OSBPL10: variants seen among roughly 807,000 people sequenced by gnomAD.
OSBPL10 encodes oxysterol binding protein like 10, also known as oxysterol-binding protein-related protein 10.
OSBPL10 carries 49 observed loss-of-function variants against 81.7 expected under a neutral mutation model. The observed-to-expected ratio is 0.60, with a 90% CI of 0.48 to 0.76. The LOEUF (loss-of-function observed/expected upper bound fraction) is 0.76, where lower values mean the gene tolerates loss of function less well. OSBPL10 is among the 30% of genes least tolerant of loss of function. OSBPL10 has a pLI of 0.00. For missense variants in OSBPL10, 923 were observed against 987.8 expected (o/e 0.93, Z 0.88); for synonymous variants, 419 against 383.6 (o/e 1.09, Z -1.08).
intron 6 of OSBPL10, chr3:31,704,021 T>A (rs929714238): frequency 1.3e-5 from 2 of 152,140 alleles, no homozygotes; most frequent in African/African-American, 4.8e-5. Flanking sequence ...ACTGGGAAGT[T>A]AGGGGTAGAA....
intron 2 of OSBPL10, among the ~76,000 whole-genome samples, chr3:32,041,847 C>T (rs1252086401): frequency 2.6e-5 from 4 of 152,080 alleles, no homozygotes; most frequent in African/African-American, 7.2e-5. Context: ...TTAGTAGAGA[C>T]GGGTGTTTCA....
At chr3:31,923,949 T>C (rs1696991119) in intron 1 of OSBPL10, among the ~76,000 whole-genome samples, 1 of 152,192 alleles carries the variant, frequency 6.6e-6, no homozygotes, top group Non-Finnish European at 1.5e-5. Flanking sequence ...CCATGTGTGG[T>C]GGTTCAAGCC....
At position 31,901,042 on chromosome 3, in the gene OSBPL10, A is replaced by G. The variant is rs575622768; in HGVS notation, c.282-21212T>C. Among the ~76,000 whole-genome samples, 10 of 152,360 alleles carry G rather than the reference A, an allele frequency of 6.6e-5. No homozygotes were observed. The East Asian group carries it at 1.3e-3, about 21-fold the overall frequency. On this transcript the variant is annotated intron_variant, in intron 1 of 11. Transcript: ENST00000396556. ...GTAAATCTAAAAATATTTCAAAACA[A>G]GACATTAAACGAAAATAGATGTTGA...
intron 3 of OSBPL10, among the ~76,000 whole-genome samples, chr3:31,859,395 A>G (rs542446642): frequency 3.9e-5 from 6 of 152,226 alleles, no homozygotes; most frequent in Admixed American, 2.0e-4. Context: ...CTCACCCTAC[A>G]TATCTCTTCA....
Position 32,063,195 on chromosome 3 carries a change from A to C in OSBPL10, n.185+14201T>G, listed in dbSNP as rs1387521448. On this transcript the variant is annotated intron_variant and non_coding_transcript_variant, in intron 1 of 3. Transcript: ENST00000479173. ...TTCAAGAGTAGAATAACACAATGTT[A>C]CATTCCCCCTGGAGGAGGAATAATA... 4.3e-5 allele frequency among the ~76,000 whole-genome samples: 4 copies of C among 93,452 alleles called. 1 individual carries two copies. Among genetic ancestry groups the C allele is most frequent in the Non-Finnish European group, 1.1e-4 (4 of 34,912 alleles). 61.3% of individuals were successfully genotyped at this position (93,452 alleles called of 152,430 possible). A position where few individuals can be genotyped will look rare whatever the true frequency, so the allele number is the denominator to read the frequency against.
intron 2 of OSBPL10, among the ~76,000 whole-genome samples, chr3:32,022,160 T>C (rs1000533928): frequency 6.6e-6 from 1 of 152,182 alleles, no homozygotes; most frequent in Non-Finnish European, 1.5e-5. Context: ...TTTTCTGAAG[T>C]GTTGCATATA....
intron 1 of OSBPL10, among the ~76,000 whole-genome samples, chr3:31,956,947 A>G (rs1698027400): frequency 6.6e-6 from 1 of 151,250 alleles, no homozygotes; most frequent in Non-Finnish European, 1.5e-5. Flanking sequence ...AGCCTGGGCA[A>G]CATGGTGAAA....
intron 4 of OSBPL10, among the ~76,000 whole-genome samples, chr3:31,793,603 T>C (rs1699091771): frequency 1.3e-5 from 2 of 152,194 alleles, no homozygotes; most frequent in South Asian, 4.1e-4. Flanking sequence ...TCAACAAATG[T>C]GACTGTTCTC....
chr3:31,816,672 G>A (rs965296002), intron 4 of OSBPL10, among the ~76,000 whole-genome samples: 1 of 152,194 alleles, frequency 6.6e-6, no homozygotes, highest in Admixed American at 6.5e-5. Context: ...CTTGGCCTGA[G>A]TTCTCACCTG....
chr3:31,708,638 A>G, intron 6 of OSBPL10: 1 of 835,606 alleles, frequency 1.2e-6, no homozygotes. Flanking sequence ...ATGCTTGGAA[A>G]AAGTATCTCC....
intron 1 of OSBPL10, among the ~76,000 whole-genome samples, chr3:31,933,215 C>T (rs1575043541): frequency 2.6e-5 from 4 of 152,148 alleles, no homozygotes; most frequent in African/African-American, 9.7e-5. Flanking sequence ...TGAGCAGACT[C>T]ATGAATAGAG....
upstream of OSBPL10, among the ~76,000 whole-genome samples, chr3:31,984,420 A>T (rs1575077724): frequency 6.6e-6 from 1 of 150,880 alleles, no homozygotes; most frequent in Non-Finnish European, 1.5e-5. Flanking sequence ...TGGGTGAGGG[A>T]TGAAATTATA....
intron 1 of OSBPL10, among the ~76,000 whole-genome samples, chr3:31,951,730 T>C (rs987310634): frequency 6.6e-6 from 1 of 151,040 alleles, no homozygotes; most frequent in Non-Finnish European, 1.5e-5. Flanking sequence ...TATAATTATA[T>C]ATTTAAATTA....
intron 8 of OSBPL10, among the ~76,000 whole-genome samples, chr3:31,675,405 C>G (rs531609144): frequency 1.3e-5 from 2 of 152,226 alleles, no homozygotes; most frequent in South Asian, 4.1e-4. Flanking sequence ...AGGATCATTC[C>G]AAGTCCTCCG....
intron 3 of OSBPL10, among the ~76,000 whole-genome samples, chr3:31,864,087 C>T (rs1295327392): frequency 6.6e-6 from 1 of 152,128 alleles, no homozygotes; most frequent in Non-Finnish European, 1.5e-5. Context: ...CCCCACAGTC[C>T]CAGGCCTCCG....
chr3:31,895,232 C>T (rs1272060200), intron 1 of OSBPL10, among the ~76,000 whole-genome samples: 6 of 149,108 alleles, frequency 4.0e-5, no homozygotes, highest in African/African-American at 1.5e-4. Flanking sequence ...CCCGGGTTGA[C>T]GCCATTCTCC....
intron 1 of OSBPL10, among the ~76,000 whole-genome samples, chr3:31,907,968 G>A (rs2125687971): frequency 6.6e-6 from 1 of 152,304 alleles, no homozygotes; most frequent in South Asian, 2.1e-4. Flanking sequence ...GGAAAAGGCT[G>A]CGGTGGAGGA....
At chr3:31,921,457 T>C (rs1696912640) in intron 1 of OSBPL10, among the ~76,000 whole-genome samples, 1 of 152,046 alleles carries the variant, frequency 6.6e-6, no homozygotes, top group Admixed American at 6.5e-5. Context: ...AAACCCACAA[T>C]GATGGGGGTA....
chr3:31,920,941 T>C (rs1696895252), intron 1 of OSBPL10, among the ~76,000 whole-genome samples: 1 of 152,182 alleles, frequency 6.6e-6, no homozygotes, highest in Admixed American at 6.5e-5. Flanking sequence ...GTTTTATGTG[T>C]AGCCTGCAGA....
Sources: allele counts gnomAD v4.1 joint callset (sites outside exome capture counted in the v4.1 genomes callset), GRCh38; gene constraint gnomAD v4.1.1; transcripts MANE v1.5; gene names NCBI Gene and HGNC (gene_info 2026-07-23, HGNC 2026-07-21).